EVPLL: variants seen among roughly 807,000 people sequenced by gnomAD.
EVPLL encodes the protein envoplakin like.
Under a neutral mutation model 46.2 loss-of-function variants are expected in EVPLL, and 39 were observed. The ratio of observed to expected loss-of-function variants is 0.84; its 90% CI spans 0.65 to 1.10. The LOEUF is 1.10. EVPLL is among the 50% of genes least tolerant of loss of function. The pLI, the probability that EVPLL is intolerant of heterozygous loss-of-function variation, is 0.00. For synonymous variants in EVPLL, 156 were observed against 165.8 expected, an observed-to-expected ratio of 0.94 and a Z score of 0.46; for missense variants, 385 against 412.6, an observed-to-expected ratio of 0.93 and a Z score of 0.58.
intron 9 of EVPLL, among the ~76,000 whole-genome samples, chr17:18,387,291 C>A (rs1987799250): frequency 1.3e-5 from 2 of 152,026 alleles, no homozygotes; most frequent in Admixed American, 6.5e-5. Context: ...AAATACTGTC[C>A]ATTTTATCCA....
Position 18,381,352 on chromosome 17 carries a change from A to G in EVPLL, c.64-15A>G. ...GCTCTGGACCCTGGCAAGTCTGCCC[A>G]TCCCCTGCCCACAGGACCGGCTGAA... On this transcript the variant is annotated splice_polypyrimidine_tract_variant and intron_variant, in intron 2 of 10. Transcript: ENST00000399134. The surrounding 1 kb of genome is among the most constrained non-coding windows in gnomAD (Gnocchi z 4.2). 6.5e-7 allele frequency: 1 copy of G among 1,540,974 alleles called. No homozygotes were observed. The highest frequency in any genetic ancestry group is 8.8e-7 in the Non-Finnish European group (1 of 1,140,248).
Position 18,381,350 on chromosome 17 carries a change from C to G in EVPLL, c.64-17C>G. 1 of 1,538,782 alleles carries G rather than the reference C, an allele frequency of 6.5e-7. No homozygotes were observed. Among genetic ancestry groups the G allele is most frequent in the South Asian group, 1.2e-5 (1 of 83,708 alleles). On this transcript the variant is annotated splice_polypyrimidine_tract_variant and intron_variant, in intron 2 of 10. Coordinates refer to ENST00000399134, the MANE Select transcript of EVPLL (RefSeq NM_001145127.2). This position sits in a 1 kb window ranked among gnomAD's most constrained non-coding sequence, Gnocchi z 4.2. Reference sequence around the variant, plus strand: ...GGGCTCTGGACCCTGGCAAGTCTGCCCATCCCCTGCCCACAGGACCGGCTG... The same window carrying G: ...GGGCTCTGGACCCTGGCAAGTCTGCGCATCCCCTGCCCACAGGACCGGCTG...
intron 1 of EVPLL, among the ~76,000 whole-genome samples, chr17:18,379,563 G>C (rs1430546596): frequency 6.6e-6 from 1 of 152,184 alleles, no homozygotes; most frequent in Non-Finnish European, 1.5e-5. Context: ...GTCCAGGCAG[G>C]CTCCCCAGCA....
At chr17:18,386,639 TG>T in intron 9 of EVPLL, among the ~76,000 whole-genome samples, 1 of 152,112 alleles carries the variant, frequency 6.6e-6, no homozygotes, top group East Asian at 1.9e-4. Flanking sequence ...TGCAGTTGCT[TG>T]CCGGCTGTGG....
Position 18,382,807 on chromosome 17 carries a change from C to G in EVPLL, c.473-19C>G, listed in dbSNP as rs1273617202. Reference sequence around the variant, plus strand: ...TGCCCCACCTCTCACGGGCTTGTTTCTCCCCTTGGTCAAGGCAGGATGCCG... The same window carrying G: ...TGCCCCACCTCTCACGGGCTTGTTTGTCCCCTTGGTCAAGGCAGGATGCCG... On this transcript the variant is annotated intron_variant, in intron 5 of 10. Coordinates refer to ENST00000399134, the MANE Select transcript of EVPLL (RefSeq NM_001145127.2). 1 of 1,612,318 alleles carries G rather than the reference C, an allele frequency of 6.2e-7. No homozygotes were observed. The highest frequency in any genetic ancestry group is 2.2e-5 in the East Asian group (1 of 44,816).
intron 1 of EVPLL, among the ~76,000 whole-genome samples, chr17:18,378,552 CTA>C (rs1487317653): frequency 6.6e-6 from 1 of 152,126 alleles, no homozygotes; most frequent in East Asian, 1.9e-4. Flanking sequence ...TAGCTCACGC[CTA>C]TAATCCCTGA....
At chr17:18,378,370 G>T (rs1987450921) in intron 1 of EVPLL, among the ~76,000 whole-genome samples, 1 of 152,176 alleles carries the variant, frequency 6.6e-6, no homozygotes, top group African/African-American at 2.4e-5. Context: ...TACTTGGCTG[G>T]GATGACCCCT....
At chr17:18,378,720 T>C (rs528492085) in intron 1 of EVPLL, among the ~76,000 whole-genome samples, 1 of 151,520 alleles carries the variant, frequency 6.6e-6, no homozygotes, top group Non-Finnish European at 1.5e-5. Flanking sequence ...AGTTTGAGGC[T>C]TCAGTGAGCC....
chr17:18,381,339 G>A lies in EVPLL; in HGVS notation c.64-28G>A. On this transcript the variant is annotated intron_variant, in intron 2 of 10. Transcript: ENST00000399134. This position sits in a 1 kb window ranked among gnomAD's most constrained non-coding sequence, Gnocchi z 4.2. Reference sequence around the variant, plus strand: ...CAGGGGTGTGGGGGCTCTGGACCCTGGCAAGTCTGCCCATCCCCTGCCCAC... The same window carrying A: ...CAGGGGTGTGGGGGCTCTGGACCCTAGCAAGTCTGCCCATCCCCTGCCCAC... 6.5e-7 allele frequency: 1 copy of A among 1,528,004 alleles called. No homozygotes were observed. The highest frequency in any genetic ancestry group is 1.2e-5 in the South Asian group (1 of 82,212). The allele number at this position is 1,528,004 out of a possible 1,614,324, so 94.7% of individuals were successfully genotyped here.
rs1333900021 is a variant in EVPLL at position 18,382,641 on chromosome 17, G to A, written c.472+3G>A. ...AGCTGCGGAGCCTGGTGGGGCCGGT[G>A]GGTGAGCCGGGAAGATGTTACATCC... is the stretch of plus-strand genomic sequence containing the variant. On this transcript the variant is annotated splice_donor_region_variant and intron_variant, in intron 5 of 10. Coordinates refer to ENST00000399134, the MANE Select transcript of EVPLL (RefSeq NM_001145127.2). The A allele has an allele frequency of 6.4e-7, 1 of 1,552,092 alleles. No individual in the cohort carries two copies. The highest frequency in any genetic ancestry group is 2.4e-5 in the East Asian group (1 of 40,964).
intron 7 of EVPLL, 35 bp downstream of exon 7, chr17:18,383,220 A>G (rs2151629439): frequency 1.3e-6 from 2 of 1,547,008 alleles, no homozygotes; most frequent in Non-Finnish European, 8.7e-7. Context: ...GGCGGGGGCG[A>G]CCAGGGCCAT....
chr17:18,381,944 G>T lies in EVPLL; in HGVS notation c.346+214G>T. The stretch of plus-strand genomic sequence containing the variant: ...CAGAGGGGTGAGAGGGCTCGGTTGG[G>T]TCAGGGTGAAGTAGTGAGGAGAGGA... On this transcript the variant is annotated intron_variant, in intron 4 of 10. Coordinates refer to ENST00000399134, the MANE Select transcript of EVPLL (RefSeq NM_001145127.2). The surrounding 1 kb of genome is among the most constrained non-coding windows in gnomAD (Gnocchi z 4.2). The T allele has an allele frequency of 1.4e-6, 1 of 723,208 alleles. No individual in the cohort carries two copies. The highest frequency in any genetic ancestry group is 2.2e-6 in the Non-Finnish European group (1 of 448,136). 44.8% of individuals were successfully genotyped at this position (723,208 alleles called of 1,614,324 possible). A position where few individuals can be genotyped will look rare whatever the true frequency, so the allele number is the denominator to read the frequency against.
chr17:18,381,838 A>G lies in EVPLL; in HGVS notation c.346+108A>G. ...AACAGTCAGTGTATAGTGGTGTCTC[A>G]GGGGTCTGGGCAGGGAGACAGCAGA... On this transcript the variant is annotated intron_variant, in intron 4 of 10. Transcript: ENST00000399134. The surrounding 1 kb of genome is among the most constrained non-coding windows in gnomAD (Gnocchi z 4.2). The G allele has an allele frequency of 6.5e-7, 1 of 1,540,986 alleles. No individual in the cohort carries two copies. The highest frequency in any genetic ancestry group is 8.8e-7 in the Non-Finnish European group (1 of 1,131,560).
rs1299906201 is a variant in EVPLL at position 18,381,592 on chromosome 17, C to T, written c.219-11C>T. The T allele has an allele frequency of 1.2e-6, 2 of 1,613,954 alleles. No individual in the cohort carries two copies. Among genetic ancestry groups the T allele is most frequent in the African/African-American group, 1.3e-5 (1 of 74,930 alleles). ...GGCCCAGCCCTGACCTGCTGGCCAC[C>T]TTCTTGACAGCATCGAGCAGCTGCA... On this transcript the variant is annotated splice_polypyrimidine_tract_variant and intron_variant, in intron 3 of 10. Transcript: ENST00000399134. This position sits in a 1 kb window ranked among gnomAD's most constrained non-coding sequence, Gnocchi z 4.2.
intron 9 of EVPLL, among the ~76,000 whole-genome samples, chr17:18,387,083 T>A (rs1987790236): frequency 6.7e-6 from 1 of 150,058 alleles, no homozygotes; most frequent in Non-Finnish European, 1.5e-5. Context: ...GTATTTTTAG[T>A]AGAGACGGGC....
Position 18,377,938 on chromosome 17 carries a change from C to T in EVPLL, c.-82C>T, listed in dbSNP as rs1187497446. On this transcript the variant is annotated 5_prime_UTR_variant, in exon 1 of 11. Coordinates refer to ENST00000399134, the MANE Select transcript of EVPLL (RefSeq NM_001145127.2). The stretch of plus-strand genomic sequence containing the variant: ...CAGGGGAAGGGGTCCCCCAAGGACT[C>T]CCCAGCCAAGGGGTCCCCCAAAGGC... The T allele has an allele frequency of 2.5e-5, 28 of 1,101,322 alleles. No individual in the cohort carries two copies. The highest frequency in any genetic ancestry group is 3.4e-5 in the Non-Finnish European group (27 of 798,000). 68.2% of individuals were successfully genotyped at this position (1,101,322 alleles called of 1,614,324 possible).
Position 18,382,315 on chromosome 17 carries a change from A to T in EVPLL, c.347-198A>T. ...CAGTGGGACTCAGGGGCCACTGCAGAATGGCCTCTGCAGTGGCCACCCTGC... is the reference window on the plus strand; with the variant it reads ...CAGTGGGACTCAGGGGCCACTGCAGTATGGCCTCTGCAGTGGCCACCCTGC... On this transcript the variant is annotated intron_variant, in intron 4 of 10. Transcript: ENST00000399134. The T allele has an allele frequency of 5.6e-6, 3 of 538,350 alleles. No homozygotes were observed. In the Admixed American group the frequency reaches 9.7e-5, roughly 17 times the overall value. 33.3% of individuals were successfully genotyped at this position (538,350 alleles called of 1,614,324 possible). A position where few individuals can be genotyped will look rare whatever the true frequency, so the allele number is the denominator to read the frequency against.
At position 18,381,034 on chromosome 17, in the gene EVPLL, C is replaced by T. The variant is rs751694602; in HGVS notation, c.63+34C>T. ...CCGGCAGCAGTTGGCAGGGTGTGGG[C>T]AGGCTGGGTGGCATGGGAGGCCCAT... is the stretch of plus-strand genomic sequence containing the variant. On this transcript the variant is annotated intron_variant, in intron 2 of 10. Coordinates refer to ENST00000399134, the MANE Select transcript of EVPLL (RefSeq NM_001145127.2). The surrounding 1 kb of genome is among the most constrained non-coding windows in gnomAD (Gnocchi z 4.2). 8.4e-6 allele frequency: 13 copies of T among 1,556,160 alleles called. No homozygotes were observed. The East Asian group carries it at 2.2e-4, about 26-fold the overall frequency.
At chr17:18,387,656 T>C (rs1175694772) in intron 9 of EVPLL, among the ~76,000 whole-genome samples, 1 of 151,958 alleles carries the variant, frequency 6.6e-6, no homozygotes, top group Non-Finnish European at 1.5e-5. Flanking sequence ...TTGTGGGCCA[T>C]AGTTTGCCCA....
Sources: gnomAD v4.1 joint callset for allele counts (sites outside exome capture counted in the v4.1 genomes callset) on GRCh38, gnomAD v4.1.1 for gene constraint, Gnocchi (gnomAD v3.1) non-coding constraint, MANE v1.5 for transcripts, NCBI Gene and HGNC (gene_info 2026-07-23, HGNC 2026-07-21) for gene names.